Variants in NLGN4X observed in about 807,000 individuals in gnomAD.
NLGN4X encodes neuroligin 4 X-linked.
A neutral mutation model predicts 40.3 loss-of-function variants in NLGN4X; 3 were observed. That is an observed-to-expected ratio of 0.07 (90% CI 0.03 to 0.19). The LOEUF (loss-of-function observed/expected upper bound fraction) is 0.19. Among genes scored for constraint, NLGN4X ranks in the 10% least tolerant of loss-of-function variants. NLGN4X has a pLI of 1.00. For missense variants in NLGN4X, 382 were observed against 708.3 expected (o/e 0.54, Z 5.23); for synonymous variants, 270 against 306.8 (o/e 0.88, Z 1.25).
At chrX:6,003,606 T>C (rs763553705) in intron 3 of NLGN4X, among the ~76,000 whole-genome samples, 7 of 112,106 alleles carry the variant, frequency 6.2e-5, no homozygotes, top group African/African-American at 9.7e-5. Flanking sequence ...TCAAGACTTT[T>C]CCTGGGTCTG....
intron 1 of NLGN4X, among the ~76,000 whole-genome samples, chrX:6,201,492 A>G (rs1413110388): frequency 8.9e-6 from 1 of 112,288 alleles, no homozygotes; most frequent in Admixed American, 9.5e-5. Context: ...TGTGAAGATG[A>G]AGAAAGAATA....
intron 1 of NLGN4X, among the ~76,000 whole-genome samples, chrX:6,171,771 A>T (rs1368363971): frequency 9.0e-6 from 1 of 111,660 alleles, no homozygotes; most frequent in Admixed American, 9.5e-5. Context: ...TTTGCCTCTG[A>T]TATGATTTGG....
At chrX:6,046,925 T>C (rs376557727) in intron 2 of NLGN4X, among the ~76,000 whole-genome samples, 3 of 108,430 alleles carry the variant, frequency 2.8e-5, no homozygotes, top group South Asian at 7.6e-4. Flanking sequence ...AAAATGTATA[T>C]ATAATGTATC....
chrX:6,088,262 G>T (rs1032646287), intron 2 of NLGN4X, among the ~76,000 whole-genome samples: 5 of 112,490 alleles, frequency 4.4e-5, no homozygotes, highest in African/African-American at 1.3e-4. Flanking sequence ...AAGAGAAAAT[G>T]CGAAGCTCTT....
intron 4 of NLGN4X, among the ~76,000 whole-genome samples, chrX:5,905,837 T>G (rs894309820): frequency 9.0e-6 from 1 of 111,708 alleles, no homozygotes; most frequent in Non-Finnish European, 1.9e-5. Context: ...GTCTCTTTTT[T>G]GTAGAGACGG....
intron 1 of NLGN4X, among the ~76,000 whole-genome samples, chrX:6,204,659 A>G (rs1923886470): frequency 9.0e-6 from 1 of 111,442 alleles, no homozygotes; most frequent in Non-Finnish European, 1.9e-5. Flanking sequence ...TCCCAAGACC[A>G]GTAACGGCAA....
chrX:6,047,962 G>T lies in NLGN4X; in HGVS notation c.473-18530C>A, dbSNP rs2037370495. Among the ~76,000 whole-genome samples the T allele has an allele frequency of 3.6e-5, 4 of 111,559 alleles. No homozygotes were observed. The Admixed American group carries it at 3.8e-4, about 11-fold the overall frequency. On this transcript the variant is annotated intron_variant, in intron 2 of 5. Transcript: ENST00000381095. ...AAAGCAGCATGCAAGTGAAGGCTGA[G>T]CTGAGAAAGCCTGGGCCCCTGGAAG...
intron 3 of NLGN4X, among the ~76,000 whole-genome samples, chrX:5,988,599 A>T: frequency 8.9e-6 from 1 of 112,222 alleles, no homozygotes; most frequent in South Asian, 3.7e-4. Context: ...GTTAGAAAAC[A>T]TTCCACTAAA....
At chrX:5,894,613 G>C (rs1489747212) in intron 5 of NLGN4X, among the ~76,000 whole-genome samples, 1 of 111,769 alleles carries the variant, frequency 8.9e-6, no homozygotes. Context: ...ATTTGCACAA[G>C]TGGTCACAGG....
intron 3 of NLGN4X, among the ~76,000 whole-genome samples, chrX:6,007,748 G>A (rs891598299): frequency 3.6e-5 from 4 of 111,700 alleles, no homozygotes; most frequent in Non-Finnish European, 7.5e-5. Context: ...TCTCCTTTCT[G>A]CAAGTTCACA....
chrX:6,186,443 T>C (rs1299104580), intron 1 of NLGN4X, among the ~76,000 whole-genome samples: 1 of 112,450 alleles, frequency 8.9e-6, no homozygotes, highest in Non-Finnish European at 1.9e-5. Flanking sequence ...AACATTAGCT[T>C]ATGTATAATA....
chrX:5,927,312 T>C (rs931868634), intron 3 of NLGN4X, among the ~76,000 whole-genome samples: 4 of 112,103 alleles, frequency 3.6e-5, no homozygotes, highest in Admixed American at 9.5e-5. Flanking sequence ...AGGACTGTTC[T>C]TGAATCCCTA....
At chrX:6,183,583 C>A (rs1186475943) in intron 1 of NLGN4X, among the ~76,000 whole-genome samples, 1 of 111,692 alleles carries the variant, frequency 9.0e-6, no homozygotes, top group Non-Finnish European at 1.9e-5. Context: ...ACTGCAATTT[C>A]TTCCTGAGAC....
intron 3 of NLGN4X, among the ~76,000 whole-genome samples, chrX:6,009,341 A>G (rs1246739880): frequency 8.9e-6 from 1 of 112,082 alleles, no homozygotes; most frequent in Non-Finnish European, 1.9e-5. Flanking sequence ...GAACAGCCAA[A>G]GAGTTTTCCA....
chrX:6,065,286 A>G (rs950432500), intron 2 of NLGN4X, among the ~76,000 whole-genome samples: 1 of 110,728 alleles, frequency 9.0e-6, no homozygotes. Flanking sequence ...AAAAGAAAAA[A>G]TAGATATAAA....
At chrX:5,914,249 CAGA>C (rs1375601713) in intron 3 of NLGN4X, among the ~76,000 whole-genome samples, 1 of 111,809 alleles carries the variant, frequency 8.9e-6, no homozygotes, top group Non-Finnish European at 1.9e-5. Context: ...GTTGTCACAA[CAGA>C]AAAGTTTCCA....
intron 2 of NLGN4X, among the ~76,000 whole-genome samples, chrX:6,049,640 C>T (rs1483618267): frequency 9.5e-6 from 1 of 104,890 alleles, no homozygotes; most frequent in Non-Finnish European, 1.9e-5. Context: ...CTGATCTGTC[C>T]TTTGTCCATT....
chrX:6,082,719 C>T (rs1347767742), intron 2 of NLGN4X, among the ~76,000 whole-genome samples: 1 of 109,757 alleles, frequency 9.1e-6, no homozygotes, highest in Non-Finnish European at 1.9e-5. Flanking sequence ...GGGAGGAAGT[C>T]ATCGAGATAC....
chrX:6,066,104 G>T (rs2037909047), intron 2 of NLGN4X, among the ~76,000 whole-genome samples: 1 of 112,042 alleles, frequency 8.9e-6, no homozygotes, highest in Non-Finnish European at 1.9e-5. Flanking sequence ...TTAACATGAG[G>T]TTACATGGTA....
Sources: gnomAD v4.1 joint callset for allele counts (sites outside exome capture counted in the v4.1 genomes callset) on GRCh38, gnomAD v4.1.1 for gene constraint, MANE v1.5 for transcripts, NCBI Gene and HGNC (gene_info 2026-07-23, HGNC 2026-07-21) for gene names.